Variants in WDR82 observed in about 807,000 individuals in gnomAD.
WDR82 encodes the protein WD repeat domain 82, also known as WD repeat-containing protein 82.
Under a neutral mutation model 36.1 loss-of-function variants are expected in WDR82, and 8 were observed. The ratio of observed to expected loss-of-function variants is 0.22; its 90% CI spans 0.13 to 0.40. WDR82 has a LOEUF of 0.40. Ranked by LOEUF, WDR82 falls within the 10% of genes least tolerant of loss-of-function variation. The pLI is 1.00. For synonymous variants in WDR82, 129 were observed against 137.8 expected, an observed-to-expected ratio of 0.94 and a Z score of 0.45; for missense variants, 185 against 400.5, an observed-to-expected ratio of 0.46 and a Z score of 4.59.
chr3:52,271,731 G>A (rs1161243745), intron 1 of WDR82, among the ~76,000 whole-genome samples: 2 of 152,176 alleles, frequency 1.3e-5, no homozygotes, highest in African/African-American at 4.8e-5. Flanking sequence ...GAGCCTTTTA[G>A]AAGGCAAGCC....
chr3:52,257,140 C>T lies in WDR82; in HGVS notation c.*350G>A. ...TGGAGGGTAGAAGGGATGTGCGGAACTGATGACTTCACCGGCTCCTCAGCA... is the reference window on the plus strand; with the variant it reads ...TGGAGGGTAGAAGGGATGTGCGGAATTGATGACTTCACCGGCTCCTCAGCA... On this transcript the variant is annotated 3_prime_UTR_variant, in exon 9 of 9. Transcript: ENST00000296490. 3.2e-6 allele frequency: 1 copy of T among 308,514 alleles called. No homozygotes were observed. The highest frequency in any genetic ancestry group is 6.1e-6 in the Non-Finnish European group (1 of 162,772). The allele number at this position is 308,514 out of a possible 1,614,324, so 19.1% of individuals were successfully genotyped here.
intron 6 of WDR82, 53 bp from the exon 7 acceptor site, chr3:52,259,319 A>C (rs1460219452): frequency 6.4e-7 from 1 of 1,568,926 alleles, no homozygotes. Flanking sequence ...TAATAAAAAC[A>C]GCTGCCTACA....
chr3:52,260,345 CA>C (rs1439981434), intron 5 of WDR82, 39 bp downstream of exon 5: 2 of 1,461,050 alleles, frequency 1.4e-6, no homozygotes, highest in South Asian at 1.3e-5. Flanking sequence ...CAAAACAAAA[CA>C]AAAAACAGCT....
chr3:52,259,987 T>G (rs1700046549), intron 5 of WDR82, 115 bp from the exon 6 acceptor site: 1 of 1,285,778 alleles, frequency 7.8e-7, no homozygotes, highest in Admixed American at 2.4e-5. Context: ...GAGAATGAGC[T>G]ACTTCTCTGC....
rs771281738 is a variant in WDR82 at position 52,258,693 on chromosome 3, C to T, written c.770-15G>A. 4 of 1,614,130 alleles carry T rather than the reference C, an allele frequency of 2.5e-6. 1 individual carries two copies. Among genetic ancestry groups the T allele is most frequent in the Non-Finnish European group, 3.4e-6 (4 of 1,180,016 alleles). On this transcript the variant is annotated splice_polypyrimidine_tract_variant and intron_variant, in intron 7 of 8. Transcript: ENST00000296490. ...ATCCTCTGAACCTAAAGAGGATATT[C>T]ACGGAAAATGTAACAGCTCAAGGCG...
chr3:52,259,409 A>AT, intron 6 of WDR82, 143 bp from the exon 7 acceptor site: 1 of 874,868 alleles, frequency 1.1e-6, no homozygotes, highest in Non-Finnish European at 1.8e-6. Flanking sequence ...AAGCTTCCAA[A>AT]TGTGGTTGCC....
At chr3:52,266,396 T>C (rs1287892332) in intron 3 of WDR82, among the ~76,000 whole-genome samples, 1 of 152,088 alleles carries the variant, frequency 6.6e-6, no homozygotes, top group Non-Finnish European at 1.5e-5. Flanking sequence ...GAAATATATA[T>C]ATCTAACTAG....
chr3:52,259,614 G>T, intron 6 of WDR82, 103 bp downstream of exon 6: 2 of 1,376,402 alleles, frequency 1.5e-6, no homozygotes, highest in Non-Finnish European at 2.0e-6. Flanking sequence ...GCCTTCATGA[G>T]TAAGTCAAGA....
chr3:52,261,999 A>G (rs1267685669), intron 3 of WDR82, among the ~76,000 whole-genome samples: 1 of 145,808 alleles, frequency 6.9e-6, no homozygotes, highest in Non-Finnish European at 1.5e-5. Context: ...AGTAGAAATA[A>G]CCCAAATGGT....
intron 1 of WDR82, among the ~76,000 whole-genome samples, chr3:52,272,573 G>A (rs1700164461): frequency 7.1e-6 from 1 of 141,470 alleles, no homozygotes; most frequent in African/African-American, 2.8e-5. Flanking sequence ...ATAAAAATTT[G>A]AGACTTAAAT....
intron 1 of WDR82, among the ~76,000 whole-genome samples, chr3:52,277,459 T>C (rs1033616290): frequency 2.0e-5 from 3 of 152,124 alleles, no homozygotes; most frequent in Admixed American, 6.5e-5. Flanking sequence ...TGTTCTACGA[T>C]GCTTGCTTTG....
At chr3:52,260,531 A>C in intron 4 of WDR82, 30 bp from the exon 5 acceptor site, 1 of 1,472,918 alleles carries the variant, frequency 6.8e-7, no homozygotes, top group Non-Finnish European at 9.2e-7. Flanking sequence ...AAATACACTA[A>C]AACACACATG....
chr3:52,272,208 C>A (rs893960398), intron 1 of WDR82, among the ~76,000 whole-genome samples: 2 of 152,172 alleles, frequency 1.3e-5, no homozygotes, highest in Non-Finnish European at 2.9e-5. Flanking sequence ...CTGGTCTCAA[C>A]AGAACCTTTA....
Position 52,278,368 on chromosome 3 carries a change from G to T in WDR82, c.-7C>A. ...CGCTGTCGGTCAGCTTCATGGCGGCGGCTGGGGAAGGCAGCGGCGGCGCAG... is the reference window on the plus strand; with the variant it reads ...CGCTGTCGGTCAGCTTCATGGCGGCTGCTGGGGAAGGCAGCGGCGGCGCAG... On this transcript the variant is annotated 5_prime_UTR_variant, in exon 1 of 9. Transcript: ENST00000296490. The T allele has an allele frequency of 6.5e-7, 1 of 1,536,478 alleles. No individual in the cohort carries two copies. The highest frequency in any genetic ancestry group is 8.7e-7 in the Non-Finnish European group (1 of 1,143,158).
intron 7 of WDR82, 119 bp downstream of exon 7, chr3:52,259,078 G>C (rs1335256640): frequency 1.2e-5 from 14 of 1,168,776 alleles, no homozygotes; most frequent in Non-Finnish European, 1.7e-5. Flanking sequence ...GGCATAATGT[G>C]CTATACAGAA....
intron 3 of WDR82, among the ~76,000 whole-genome samples, chr3:52,261,965 C>G (rs529924402): frequency 6.6e-6 from 1 of 152,190 alleles, no homozygotes; most frequent in African/African-American, 2.4e-5. Flanking sequence ...ATGTTCAGAT[C>G]TGCACTATTC....
chr3:52,278,365 G>GGCGGCTGGGGAAGGCA lies in WDR82; in HGVS notation c.-20_-5dup. 6.5e-7 allele frequency: 1 copy of GGCGGCTGGGGAAGGCA among 1,545,390 alleles called. No homozygotes were observed. The highest frequency in any genetic ancestry group is 8.7e-7 in the Non-Finnish European group (1 of 1,148,026). On this transcript the variant is annotated 5_prime_UTR_variant, in exon 1 of 9. Coordinates refer to ENST00000296490, the MANE Select transcript of WDR82 (RefSeq NM_025222.4). ...ACACGCTGTCGGTCAGCTTCATGGCGGCGGCTGGGGAAGGCAGCGGCGGCG... is the reference window on the plus strand; with the variant it reads ...ACACGCTGTCGGTCAGCTTCATGGCGGCGGCTGGGGAAGGCAGCGGCTGGGGAAGGCAGCGGCGGCG...
chr3:52,275,835 G>A (rs190016783), intron 1 of WDR82, among the ~76,000 whole-genome samples: 2 of 152,302 alleles, frequency 1.3e-5, no homozygotes, highest in East Asian at 3.9e-4. Context: ...AGTGAGCCAA[G>A]ATCACGCCAC....
At chr3:52,264,722 A>C (rs1395925124) in intron 3 of WDR82, among the ~76,000 whole-genome samples, 1 of 152,150 alleles carries the variant, frequency 6.6e-6, no homozygotes, top group East Asian at 1.9e-4. Flanking sequence ...TTGTGAAAGA[A>C]AGACAACAGC....
Sources: gnomAD v4.1 joint callset for allele counts (sites outside exome capture counted in the v4.1 genomes callset) on GRCh38, gnomAD v4.1.1 for gene constraint, MANE v1.5 for transcripts, NCBI Gene and HGNC (gene_info 2026-07-23, HGNC 2026-07-21) for gene names.